PTPN6: variants seen among roughly 807,000 people sequenced by gnomAD.
PTPN6 encodes protein tyrosine phosphatase non-receptor type 6.
In PTPN6, 18 loss-of-function variants were observed where a neutral mutation model predicts 81.5. That is an observed-to-expected ratio of 0.22 (90% CI 0.15 to 0.33). The LOEUF (loss-of-function observed/expected upper bound fraction) is 0.33. Among genes scored for constraint, PTPN6 ranks in the 10% least tolerant of loss-of-function variants. PTPN6 has a pLI of 1.00. For missense variants in PTPN6, 500 were observed against 794.2 expected, an observed-to-expected ratio of 0.63 and a Z score of 4.45; for synonymous variants, 301 against 310.9, an observed-to-expected ratio of 0.97 and a Z score of 0.33.
rs373750986 is a variant in PTPN6 at position 6,954,960 on chromosome 12, C to T, written c.482C>T (p.Pro161Leu). ...CAGCCCAAGGCTGGCCCAGGCTCCC[C>T]GCTCAGGGTCACCCACATCAAGGTC... ...SDQPKAGPGSPLRVTHIKVMC... is the reference protein window; with the variant it reads ...SDQPKAGPGSLLRVTHIKVMC... Residue 161 changes from proline (P) to leucine (L), a missense_variant, in exon 4 of 16, where the codon CCG (proline) becomes CTG (leucine). Around this residue, in one of 6 missense-constraint regions of PTPN6, gnomAD observed 22 missense variants for 16.1 expected, o/e 1.37. Transcript: ENST00000318974. This position sits in a 1 kb window ranked among gnomAD's most constrained non-coding sequence, Gnocchi z 5.4. The T allele has an allele frequency of 2.8e-5, 46 of 1,614,158 alleles. No individual in the cohort carries two copies. Among genetic ancestry groups the T allele is most frequent in the African/African-American group, 1.1e-4 (8 of 75,066 alleles).
At chr12:6,946,804 T>C (rs1357851235), upstream of PTPN6, 2 of 1,503,184 alleles carry the variant, frequency 1.3e-6, no homozygotes, top group Non-Finnish European at 1.8e-6. Flanking sequence ...AGGGCTTTGT[T>C]GATGCTCACT....
At position 6,957,731 on chromosome 12, in the gene PTPN6, G is replaced by C. The variant is rs1555148958; in HGVS notation, c.1152G>C (p.Glu384Asp). 3 of 1,614,170 alleles carry C rather than the reference G, an allele frequency of 1.9e-6. No individual in the cohort carries two copies. Among genetic ancestry groups the C allele is most frequent in the Admixed American group, 3.3e-5 (2 of 60,028 alleles). ...YGPYSVTNCG[E>D]HDTTEYKLRT... ...CCTACTCTGTGACCAACTGCGGGGA[G>C]CATGACACAACCGAATACAAACTCC... The change falls in exon 10 of 16, where the codon GAG (glutamate) becomes GAC (aspartate). Residue 384 changes from glutamate to aspartate, a missense_variant. Glu to Asp is a conservative substitution (Grantham distance 45, BLOSUM62 2). Coordinates refer to ENST00000318974, the MANE Select transcript of PTPN6 (RefSeq NM_002831.6). This position sits in a 1 kb window ranked among gnomAD's most constrained non-coding sequence, Gnocchi z 6.5.
Position 6,955,450 on chromosome 12 carries a change from G to A in PTPN6, c.712G>A (p.Asp238Asn). The change falls in exon 6 of 16, where the codon GAT becomes AAT. Residue 238 changes from aspartate to asparagine, a missense_variant. Transcript: ENST00000318974. This position sits in a 1 kb window ranked among gnomAD's most constrained non-coding sequence, Gnocchi z 7.2. Reference protein sequence around the residue: ...LELNKKQESEDTAKAGFWEEF... With the variant: ...LELNKKQESENTAKAGFWEEF... ...ACTGAACAAGAAGCAGGAGTCCGAG[G>A]ATACAGCCAAGGCTGGCTTCTGGGA... 1 of 1,614,178 alleles carries A rather than the reference G, an allele frequency of 6.2e-7. No individual in the cohort carries two copies. Among genetic ancestry groups the A allele is most frequent in the Non-Finnish European group, 8.5e-7 (1 of 1,180,026 alleles).
chr12:6,946,683 C>T (rs371485894), upstream of PTPN6: 149 of 1,577,576 alleles, frequency 9.4e-5, no homozygotes, highest in Non-Finnish European at 1.2e-4. Context: ...TCAGCCCCGC[C>T]CCCTGCGGCC....
Position 6,959,210 on chromosome 12 carries a change from G to A in PTPN6, c.1362-717G>A, listed in dbSNP as rs145024630. The stretch of plus-strand genomic sequence containing the variant: ...CCGAGAGCTACCCTCCTGCTCACCC[G>A]CCACACACACATTCACACACTTCTT... On this transcript the variant is annotated intron_variant, in intron 11 of 15. Transcript: ENST00000318974. This position sits in a 1 kb window ranked among gnomAD's most constrained non-coding sequence, Gnocchi z 6.6. 2.6e-3 allele frequency: 402 copies of A among 153,704 alleles called. 3 individuals are homozygous for A. Among genetic ancestry groups the A allele is most frequent in the Middle Eastern group, 0.014 (4 of 296 alleles). The allele number at this position is 153,704 out of a possible 1,614,324, so 9.5% of individuals were successfully genotyped here.
In PTPN6 at chr12:6,956,673, G is replaced by T; in HGVS notation, c.1074+105G>T. 1.4e-6 allele frequency: 2 copies of T among 1,480,720 alleles called. No homozygotes were observed. Among genetic ancestry groups the T allele is most frequent in the Non-Finnish European group, 1.9e-6 (2 of 1,078,856 alleles). 91.7% of individuals were successfully genotyped at this position (1,480,720 alleles called of 1,614,324 possible). On this transcript the variant is annotated intron_variant, in intron 9 of 15. Coordinates refer to ENST00000318974, the MANE Select transcript of PTPN6 (RefSeq NM_002831.6). This position sits in a 1 kb window ranked among gnomAD's most constrained non-coding sequence, Gnocchi z 4.1. ...GCAGAAAGGGATCTCAGGGGTGAGG[G>T]TCCGGCCCTTGTTGGGAAACTGAGG...
rs782578622 is a variant in PTPN6 at position 6,957,615 on chromosome 12, T to C, written c.1075-39T>C. ...GGACCTGGGATGGGCCACAGTGCCCTGCTCTGTGCCTCATCCCCACCCGAC... is the reference window on the plus strand; with the variant it reads ...GGACCTGGGATGGGCCACAGTGCCCCGCTCTGTGCCTCATCCCCACCCGAC... On this transcript the variant is annotated intron_variant, in intron 9 of 15. Coordinates refer to ENST00000318974, the MANE Select transcript of PTPN6 (RefSeq NM_002831.6). The surrounding 1 kb of genome is among the most constrained non-coding windows in gnomAD (Gnocchi z 6.5). 5 of 1,607,396 alleles carry C rather than the reference T, an allele frequency of 3.1e-6. No homozygotes were observed. In the East Asian group the frequency reaches 1.1e-4, roughly 36 times the overall value.
chr12:6,951,956 C>A lies in PTPN6; in HGVS notation c.132-27C>A, dbSNP rs1945934703. On this transcript the variant is annotated intron_variant, in intron 2 of 15. Coordinates refer to ENST00000318974, the MANE Select transcript of PTPN6 (RefSeq NM_002831.6). This position sits in a 1 kb window ranked among gnomAD's most constrained non-coding sequence, Gnocchi z 7.2. ...CCTCCTGCCTCTACTCCTGCACCGACTGGCCTCACCGCCTGGTGCCCTGCA... is the reference window on the plus strand; with the variant it reads ...CCTCCTGCCTCTACTCCTGCACCGAATGGCCTCACCGCCTGGTGCCCTGCA... 1.2e-6 allele frequency: 2 copies of A among 1,611,058 alleles called. No individual in the cohort carries two copies. Among genetic ancestry groups the A allele is most frequent in the Admixed American group, 1.7e-5 (1 of 59,858 alleles).
In PTPN6 at chr12:6,952,154, C is replaced by T; in HGVS notation, c.303C>T (p.Asn101=). The stretch of plus-strand genomic sequence containing the variant: ...TCATCCACCTCAAGTACCCGCTGAA[C>T]TGCTCCGATCCCACTAGTGAGAGGT... The part of the protein sequence containing the change: ...GTIIHLKYPL[N]CSDPTSERWY... Residue 101 remains asparagine (N), a synonymous_variant, in exon 3 of 16, where the codon AAC becomes AAT. Coordinates refer to ENST00000318974, the MANE Select transcript of PTPN6 (RefSeq NM_002831.6). The surrounding 1 kb of genome is among the most constrained non-coding windows in gnomAD (Gnocchi z 8.1). The T allele has an allele frequency of 6.2e-7, 1 of 1,614,116 alleles. No homozygotes were observed. The highest frequency in any genetic ancestry group is 1.1e-5 in the South Asian group (1 of 91,076).
chr12:6,952,298 GCA>G lies in PTPN6; in HGVS notation c.326+123_326+124del. The G allele has an allele frequency of 8.2e-7, 1 of 1,220,054 alleles. No homozygotes were observed. Among genetic ancestry groups the G allele is most frequent in the South Asian group, 1.3e-5 (1 of 79,772 alleles). The allele number at this position is 1,220,054 out of a possible 1,614,324, so 75.6% of individuals were successfully genotyped here. A position where few individuals can be genotyped will look rare whatever the true frequency, so the allele number is the denominator to read the frequency against. ...CTACCCTCCATCCCCTCCCCTCCCTGCACCAGCTGGGGCTCTCAATGTCCCTC... is the reference window on the plus strand; with the variant it reads ...CTACCCTCCATCCCCTCCCCTCCCTGCCAGCTGGGGCTCTCAATGTCCCTC... On this transcript the variant is annotated intron_variant, in intron 3 of 15. Transcript: ENST00000318974. The surrounding 1 kb of genome is among the most constrained non-coding windows in gnomAD (Gnocchi z 8.1).
In PTPN6 at chr12:6,960,567, T is replaced by A; in HGVS notation, c.1673+132T>A. Reference sequence around the variant, plus strand: ...CAAGTTCAGGCTTGGTTCTCACCCCTTCTGTTCATAAGCATTTCCTGAGTG... The same window carrying A: ...CAAGTTCAGGCTTGGTTCTCACCCCATCTGTTCATAAGCATTTCCTGAGTG... On this transcript the variant is annotated intron_variant, in intron 14 of 15. Transcript: ENST00000318974. This position sits in a 1 kb window ranked among gnomAD's most constrained non-coding sequence, Gnocchi z 6.1. The A allele has an allele frequency of 6.3e-6, 9 of 1,429,410 alleles. No individual in the cohort carries two copies. Among genetic ancestry groups the A allele is most frequent in the Non-Finnish European group, 8.7e-6 (9 of 1,037,516 alleles). 88.5% of individuals were successfully genotyped at this position (1,429,410 alleles called of 1,614,324 possible).
chr12:6,955,651 A>G lies in PTPN6; in HGVS notation c.748-9A>G. On this transcript the variant is annotated splice_polypyrimidine_tract_variant and intron_variant, in intron 6 of 15. Coordinates refer to ENST00000318974, the MANE Select transcript of PTPN6 (RefSeq NM_002831.6). The surrounding 1 kb of genome is among the most constrained non-coding windows in gnomAD (Gnocchi z 7.2). ...GGAGCTGATGCTCATTTCCCCACCC[A>G]CATCTCAGAGTTTGCAGAAGCAGGA... 1 of 1,613,064 alleles carries G rather than the reference A, an allele frequency of 6.2e-7. No individual in the cohort carries two copies. Among genetic ancestry groups the G allele is most frequent in the Non-Finnish European group, 8.5e-7 (1 of 1,179,420 alleles).
Position 6,951,404 on chromosome 12 carries a change from C to G in PTPN6, c.-109C>G, listed in dbSNP as rs952749693. 6.4e-7 allele frequency: 1 copy of G among 1,551,260 alleles called. No individual in the cohort carries two copies. The highest frequency in any genetic ancestry group is 1.2e-5 in the South Asian group (1 of 84,606). On this transcript the variant is annotated 5_prime_UTR_variant, in exon 1 of 16. Coordinates refer to ENST00000318974, the MANE Select transcript of PTPN6 (RefSeq NM_002831.6). This position sits in a 1 kb window ranked among gnomAD's most constrained non-coding sequence, Gnocchi z 7.2. ...GGGACCACCGGGGGTGGTGAGGCGGCCCGGCACTGGGAGCTGCATCTGAGG... is the reference window on the plus strand; with the variant it reads ...GGGACCACCGGGGGTGGTGAGGCGGGCCGGCACTGGGAGCTGCATCTGAGG...
upstream of PTPN6, among the ~76,000 whole-genome samples, chr12:6,948,983 G>A (rs1565578480): frequency 6.6e-6 from 1 of 151,642 alleles, no homozygotes; most frequent in East Asian, 1.9e-4. Context: ...GTGACAACCT[G>A]CTTACAGAGT....
rs1555149682 is a variant in PTPN6, at chr12:6,960,485, C to T, written c.1673+50C>T. The T allele has an allele frequency of 6.3e-7, 1 of 1,575,322 alleles. No homozygotes were observed. Among genetic ancestry groups the T allele is most frequent in the African/African-American group, 1.4e-5 (1 of 74,014 alleles). ...CCGGCATCCACCCCTTTGTCCTGCCCAGCCCGATCCTCACTTTCTGGAGAG... is the reference window on the plus strand; with the variant it reads ...CCGGCATCCACCCCTTTGTCCTGCCTAGCCCGATCCTCACTTTCTGGAGAG... On this transcript the variant is annotated intron_variant, in intron 14 of 15. Coordinates refer to ENST00000318974, the MANE Select transcript of PTPN6 (RefSeq NM_002831.6). The surrounding 1 kb of genome is among the most constrained non-coding windows in gnomAD (Gnocchi z 6.1).
In PTPN6 at chr12:6,961,307, G is replaced by A. The variant is rs1169487046; in HGVS notation, c.*207G>A. On this transcript the variant is annotated 3_prime_UTR_variant, in exon 16 of 16. Transcript: ENST00000318974. Reference sequence around the variant, plus strand: ...TCTCCTCTTGTAAATAAAGCCCTGGGATCACTGTGTGTCGCCTCTGAGCCC... The same window carrying A: ...TCTCCTCTTGTAAATAAAGCCCTGGAATCACTGTGTGTCGCCTCTGAGCCC... 17 of 305,634 alleles carry A rather than the reference G, an allele frequency of 5.6e-5. No individual in the cohort carries two copies. The highest frequency in any genetic ancestry group is 1.0e-4 in the Non-Finnish European group (16 of 153,184). The allele number at this position is 305,634 out of a possible 1,614,324, so 18.9% of individuals were successfully genotyped here.
chr12:6,947,565 AG>A (rs1353945297), upstream of PTPN6, among the ~76,000 whole-genome samples: 1 of 150,518 alleles, frequency 6.6e-6, no homozygotes, highest in Non-Finnish European at 1.5e-5. Context: ...AGCTATGGAG[AG>A]GCTAAGGTGA....
chr12:6,954,775 T>A lies in PTPN6; in HGVS notation c.327-30T>A, dbSNP rs1555148293. The A allele has an allele frequency of 6.2e-7, 1 of 1,608,054 alleles. No homozygotes were observed. Among genetic ancestry groups the A allele is most frequent in the Admixed American group, 1.7e-5 (1 of 59,924 alleles). On this transcript the variant is annotated intron_variant, in intron 3 of 15. Transcript: ENST00000318974. This position sits in a 1 kb window ranked among gnomAD's most constrained non-coding sequence, Gnocchi z 5.4. ...TCAGCGCCTTCCCCTGTGGCCTGGG[T>A]CTTACCTTCCCTGACGCTGCCTTCT...
Position 6,955,074 on chromosome 12 carries a change from C to T in PTPN6, c.517-77C>T. 1.2e-6 allele frequency: 2 copies of T among 1,608,882 alleles called. No homozygotes were observed. Among genetic ancestry groups the T allele is most frequent in the Non-Finnish European group, 1.7e-6 (2 of 1,175,380 alleles). ...AGTGTGGGTGGCAGGGAGGGTCTGC[C>T]TGGGCTTGAATTCAAGGCTGGGGAC... is the stretch of plus-strand genomic sequence containing the variant. On this transcript the variant is annotated intron_variant, in intron 4 of 15. Coordinates refer to ENST00000318974, the MANE Select transcript of PTPN6 (RefSeq NM_002831.6). The surrounding 1 kb of genome is among the most constrained non-coding windows in gnomAD (Gnocchi z 7.2).
Sources: allele counts gnomAD v4.1 joint callset (sites outside exome capture counted in the v4.1 genomes callset), GRCh38; gene constraint gnomAD v4.1.1; regional missense constraint gnomAD v4.1.1; non-coding constraint Gnocchi (gnomAD v3.1); transcripts MANE v1.5; gene names NCBI Gene and HGNC (gene_info 2026-07-23, HGNC 2026-07-21).